Variants in ARB2A observed in about 807,000 individuals in gnomAD.
The protein encoded by ARB2A is ARB2 cotranscriptional regulator A.
At chr5:93,802,777 TG>T in the ARB2A span, among the ~76,000 whole-genome samples, 1 of 152,116 alleles carries the variant, frequency 6.6e-6, no homozygotes, top group South Asian at 2.1e-4. Flanking sequence ...CAATAAATTC[TG>T]GTTAAAACAG....
chr5:93,677,630 A>C, the ARB2A span, among the ~76,000 whole-genome samples: 2 of 152,238 alleles, frequency 1.3e-5, no homozygotes, highest in African/African-American at 4.8e-5. Flanking sequence ...CCTGGACAAA[A>C]CTGGGCAGTC....
the ARB2A span, among the ~76,000 whole-genome samples, chr5:93,922,466 C>T: frequency 9.3e-5 from 14 of 150,762 alleles, 1 homozygote; most frequent in South Asian, 4.2e-4. Context: ...GTCAGGAGTT[C>T]GAAACCAGAC....
the ARB2A span, among the ~76,000 whole-genome samples, chr5:93,685,839 CA>C: frequency 6.6e-6 from 1 of 152,284 alleles, no homozygotes; most frequent in Non-Finnish European, 1.5e-5. Context: ...TATGTATTCC[CA>C]ACCCTTCTGG....
At chr5:93,629,507 A>G in the ARB2A span, among the ~76,000 whole-genome samples, 26,721 of 152,022 alleles carry the variant, frequency 0.18, 3,098 homozygotes, top group African/African-American at 0.31. Context: ...GTGAAGCTCA[A>G]TAAAACAAGG....
chr5:93,895,867 AC>A, the ARB2A span, among the ~76,000 whole-genome samples: 1 of 151,944 alleles, frequency 6.6e-6, no homozygotes, highest in African/African-American at 2.4e-5. Flanking sequence ...TACATAAACC[AC>A]CCTTAATTTT....
the ARB2A span, among the ~76,000 whole-genome samples, chr5:93,873,719 G>A: frequency 6.6e-6 from 1 of 152,148 alleles, no homozygotes; most frequent in Non-Finnish European, 1.5e-5. Flanking sequence ...ATATAATAGT[G>A]ACCTTGTCAG....
chr5:94,091,747 T>G, the ARB2A span, among the ~76,000 whole-genome samples: 3 of 152,182 alleles, frequency 2.0e-5, no homozygotes, highest in Admixed American at 2.0e-4. Context: ...TTTAAAAATT[T>G]AAGATTGTGG....
chr5:93,694,878 A>G, the ARB2A span, among the ~76,000 whole-genome samples: 1 of 152,202 alleles, frequency 6.6e-6, no homozygotes, highest in Non-Finnish European at 1.5e-5. Context: ...CCTCAGAAAT[A>G]ACACCACACA....
chr5:93,644,396 C>T, the ARB2A span, among the ~76,000 whole-genome samples: 56 of 152,188 alleles, frequency 3.7e-4, no homozygotes, highest in African/African-American at 1.1e-3. Context: ...AGTTTTAATA[C>T]GGATAAATAT....
chr5:94,043,964 G>T, the ARB2A span, among the ~76,000 whole-genome samples: 10 of 152,216 alleles, frequency 6.6e-5, no homozygotes, highest in Admixed American at 6.5e-4. Flanking sequence ...ACTTGAGAGA[G>T]AAATTATGTT....
At chr5:93,822,363 T>C in the ARB2A span, among the ~76,000 whole-genome samples, 1 of 152,210 alleles carries the variant, frequency 6.6e-6, no homozygotes. Context: ...ACTGGTCATC[T>C]GTTAACTCTG....
the ARB2A span, among the ~76,000 whole-genome samples, chr5:93,852,586 A>C: frequency 6.6e-6 from 1 of 152,122 alleles, no homozygotes; most frequent in Non-Finnish European, 1.5e-5. Context: ...TTATGGTTTT[A>C]GGTCTAACGT....
chr5:94,103,525 C>T, the ARB2A span, among the ~76,000 whole-genome samples: 1 of 152,044 alleles, frequency 6.6e-6, no homozygotes, highest in Non-Finnish European at 1.5e-5. Context: ...AAAATAAGTT[C>T]TTAGAGACCT....
the ARB2A span, among the ~76,000 whole-genome samples, chr5:93,989,036 G>A: frequency 6.6e-6 from 1 of 152,062 alleles, no homozygotes; most frequent in East Asian, 1.9e-4. Context: ...AAATTAAAGG[G>A]CTATTAGTAA....
chr5:93,669,690 A>T, the ARB2A span, among the ~76,000 whole-genome samples: 722 of 152,310 alleles, frequency 4.7e-3, 8 homozygotes, highest in African/African-American at 0.016. Flanking sequence ...CTACAAATGA[A>T]ATCTGCATTG....
the ARB2A span, among the ~76,000 whole-genome samples, chr5:94,003,497 T>C: frequency 6.6e-6 from 1 of 151,932 alleles, no homozygotes; most frequent in Non-Finnish European, 1.5e-5. Context: ...CTGAAACAAA[T>C]TGAGTACAGC....
chr5:93,950,905 C>T, the ARB2A span, among the ~76,000 whole-genome samples: 1 of 146,850 alleles, frequency 6.8e-6, no homozygotes, highest in African/African-American at 2.5e-5. Flanking sequence ...AATCATTCCA[C>T]AGCACTCCAG....
chr5:93,943,327 T>A, the ARB2A span, among the ~76,000 whole-genome samples: 2 of 152,134 alleles, frequency 1.3e-5, no homozygotes, highest in African/African-American at 4.8e-5. Flanking sequence ...TAAGTATCTC[T>A]TTAATTTTCA....
the ARB2A span, among the ~76,000 whole-genome samples, chr5:93,970,573 G>A: frequency 6.6e-6 from 1 of 151,942 alleles, no homozygotes; most frequent in Non-Finnish European, 1.5e-5. Context: ...TGTTATGTGG[G>A]ACACTGGGGT....
Sources: gnomAD v4.1 joint callset for allele counts (sites outside exome capture counted in the v4.1 genomes callset) on GRCh38, gnomAD v4.1.1 for gene constraint, MANE v1.5 for transcripts, NCBI Gene and HGNC (gene_info 2026-07-23, HGNC 2026-07-21) for gene names.